TNR: variants seen among roughly 807,000 people sequenced by gnomAD.
TNR encodes tenascin-R.
A neutral mutation model predicts 150.4 loss-of-function variants in TNR; 45 were observed. That is an observed-to-expected ratio of 0.30 (90% CI 0.24 to 0.38). TNR has a LOEUF of 0.38. TNR is among the 10% of genes least tolerant of loss of function. The pLI, the probability that TNR is intolerant of heterozygous loss-of-function variation, is 1.00. For synonymous variants in TNR, 687 were observed against 678.4 expected, an observed-to-expected ratio of 1.01 and a Z score of -0.20; for missense variants, 1,544 against 1,759.1, an observed-to-expected ratio of 0.88 and a Z score of 2.19.
intron 1 of TNR, among the ~76,000 whole-genome samples, chr1:175,707,014 C>T (rs572847566): frequency 6.6e-6 from 1 of 152,186 alleles, no homozygotes; most frequent in Non-Finnish European, 1.5e-5. Flanking sequence ...GGTATTGCAT[C>T]TGGCCTGTCA....
intron 2 of TNR, among the ~76,000 whole-genome samples, chr1:175,434,145 A>G (rs1267710344): frequency 2.0e-5 from 3 of 152,156 alleles, no homozygotes; most frequent in Non-Finnish European, 4.4e-5. Context: ...ATTCGTCCAC[A>G]TGCTGGTTTC....
At chr1:175,405,816 A>G (rs112273878) in intron 3 of TNR, among the ~76,000 whole-genome samples, 23 of 152,174 alleles carry the variant, frequency 1.5e-4, no homozygotes, top group African/African-American at 2.4e-5. Context: ...CCTCAGGTTA[A>G]CATGGATAGA....
intron 17 of TNR, 113 bp from the exon 18 acceptor site, chr1:175,354,636 C>T (rs924300010): frequency 7.6e-7 from 1 of 1,313,260 alleles, no homozygotes; most frequent in Non-Finnish European, 1.1e-6. Flanking sequence ...ATTGCAATGG[C>T]CATTGTCATC....
At chr1:175,458,777 G>A (rs2102102241) in intron 2 of TNR, among the ~76,000 whole-genome samples, 1 of 152,306 alleles carries the variant, frequency 6.6e-6, no homozygotes, top group East Asian at 1.9e-4. Context: ...TTTAAAAAGA[G>A]GTGTCCTATT....
At chr1:175,709,685 T>A (rs1666945731) in intron 1 of TNR, among the ~76,000 whole-genome samples, 1 of 152,196 alleles carries the variant, frequency 6.6e-6, no homozygotes, top group Non-Finnish European at 1.5e-5. Flanking sequence ...CTCCTAGACA[T>A]CGTGTTGTGG....
At chr1:175,440,681 C>A (rs1655742617) in intron 2 of TNR, among the ~76,000 whole-genome samples, 1 of 151,916 alleles carries the variant, frequency 6.6e-6, no homozygotes, top group Non-Finnish European at 1.5e-5. Flanking sequence ...CAAGTGAAGA[C>A]CATGTTTCAG....
intron 1 of TNR, among the ~76,000 whole-genome samples, chr1:175,543,043 G>A (rs1660563343): frequency 6.6e-6 from 1 of 152,146 alleles, no homozygotes; most frequent in Non-Finnish European, 1.5e-5. Context: ...CTGCTTTGCT[G>A]TTGCCATTTT....
chr1:175,356,540 T>C (rs1651338889), intron 15 of TNR, 78 bp from the exon 16 acceptor site: 1 of 1,554,514 alleles, frequency 6.4e-7, no homozygotes, highest in Non-Finnish European at 8.7e-7. Context: ...CAAAGGTATT[T>C]CACATGGATT....
At chr1:175,516,995 T>A (rs1194192288) in intron 2 of TNR, among the ~76,000 whole-genome samples, 2 of 134,120 alleles carry the variant, frequency 1.5e-5, no homozygotes, top group African/African-American at 5.7e-5. Context: ...GAAGCACAAA[T>A]TAGTACATCT....
intron 2 of TNR, among the ~76,000 whole-genome samples, chr1:175,495,376 A>G (rs2102143740): frequency 6.6e-6 from 1 of 152,336 alleles, no homozygotes; most frequent in South Asian, 2.1e-4. Context: ...TGCCTGCTTC[A>G]TAGTGAGTGC....
Position 175,722,766 on chromosome 1 carries a change from C to T in TNR, c.-165+20460G>A, listed in dbSNP as rs548035999. The stretch of plus-strand genomic sequence containing the variant: ...ACAGGCATGAGCCACTGTGCCTGGC[C>T]TATTTTTGTTATATATATATATAGT... On this transcript the variant is annotated intron_variant, in intron 1 of 22. Transcript: ENST00000367674. 1.8e-3 allele frequency among the ~76,000 whole-genome samples: 258 copies of T among 142,486 alleles called. 1 individual carries two copies. The highest frequency in any genetic ancestry group is 3.0e-3 in the Non-Finnish European group (198 of 65,540). The allele number at this position is 142,486 out of a possible 152,430, so 93.5% of individuals were successfully genotyped here. A position where few individuals can be genotyped will look rare whatever the true frequency, so the allele number is the denominator to read the frequency against.
chr1:175,580,387 G>T (rs899761314), intron 1 of TNR, among the ~76,000 whole-genome samples: 1 of 152,134 alleles, frequency 6.6e-6, no homozygotes, highest in African/African-American at 2.4e-5. Context: ...GTCTCTATTT[G>T]CATATGAAAT....
chr1:175,739,480 CCACACATGCA>C (rs200094582), intron 1 of TNR, among the ~76,000 whole-genome samples: 1,785 of 151,982 alleles, frequency 0.012, 28 homozygotes, highest in African/African-American at 0.039. Flanking sequence ...TGTGCTGATA[CCACACATGCA>C]CACACATGCA....
In TNR at chr1:175,319,534, T is replaced by C. The variant is rs778995899; in HGVS notation, c.*3823A>G. The stretch of plus-strand genomic sequence containing the variant: ...TGGCTTTGAAATATCAGGGTGCTGG[T>C]TGGTTCTCAGGTGGAAGGAAGCGGG... On this transcript the variant is annotated 3_prime_UTR_variant, in exon 23 of 23. Coordinates refer to ENST00000367674, the MANE Select transcript of TNR (RefSeq NM_003285.3). 6.6e-6 allele frequency: 1 copy of C among 152,416 alleles called. No homozygotes were observed. The highest frequency in any genetic ancestry group is 1.5e-5 in the Non-Finnish European group (1 of 68,068). The allele number at this position is 152,416 out of a possible 1,614,324, so 9.4% of individuals were successfully genotyped here. A position where few individuals can be genotyped will look rare whatever the true frequency, so the allele number is the denominator to read the frequency against.
At chr1:175,492,333 A>T (rs955831713) in intron 2 of TNR, among the ~76,000 whole-genome samples, 5 of 152,200 alleles carry the variant, frequency 3.3e-5, no homozygotes, top group African/African-American at 1.2e-4. Context: ...ATTTGCTTGC[A>T]TACAGCTGTG....
intron 2 of TNR, among the ~76,000 whole-genome samples, chr1:175,420,860 A>G (rs1373514350): frequency 6.6e-6 from 1 of 152,200 alleles, no homozygotes; most frequent in Non-Finnish European, 1.5e-5. Context: ...TGTAAAAAGG[A>G]ATCCAGCTCA....
At position 175,599,920 on chromosome 1, in the gene TNR, C is replaced by T. The variant is rs1663168854; in HGVS notation, c.-164-71551G>A. Reference sequence around the variant, plus strand: ...TGCTGAGGCAGGCAAGAGACTGGGGCCGGTTCTACAGGAGGGAGGAAAAGA... The same window carrying T: ...TGCTGAGGCAGGCAAGAGACTGGGGTCGGTTCTACAGGAGGGAGGAAAAGA... On this transcript the variant is annotated intron_variant, in intron 1 of 22. Transcript: ENST00000367674. The surrounding 1 kb of genome is among the most constrained non-coding windows in gnomAD (Gnocchi z 4.7). Among the ~76,000 whole-genome samples, 1 of 152,110 alleles carries T rather than the reference C, an allele frequency of 6.6e-6. No individual in the cohort carries two copies. The highest frequency in any genetic ancestry group is 1.5e-5 in the Non-Finnish European group (1 of 68,008).
At chr1:175,450,084 A>G (rs142104762) in intron 2 of TNR, among the ~76,000 whole-genome samples, 113 of 152,244 alleles carry the variant, frequency 7.4e-4, no homozygotes, top group African/African-American at 2.5e-3. Flanking sequence ...CTGCCACTCA[A>G]ACTACTCTCC....
intron 21 of TNR, among the ~76,000 whole-genome samples, chr1:175,329,813 G>A (rs1649629277): frequency 6.6e-6 from 1 of 152,194 alleles, no homozygotes; most frequent in Admixed American, 6.5e-5. Flanking sequence ...TGACTACTCA[G>A]TGAAGTAGGG....
Sources: gnomAD v4.1 joint callset for allele counts (sites outside exome capture counted in the v4.1 genomes callset) on GRCh38, gnomAD v4.1.1 for gene constraint, Gnocchi (gnomAD v3.1) non-coding constraint, MANE v1.5 for transcripts, NCBI Gene and HGNC (gene_info 2026-07-23, HGNC 2026-07-21) for gene names.